The following PEX14 variants were observed in gnomAD, a reference collection of about 807,000 sequenced individuals.
The protein encoded by PEX14 is peroxisomal membrane protein PEX14.
Under a neutral mutation model 49.5 loss-of-function variants are expected in PEX14, and 15 were observed. That is an observed-to-expected ratio of 0.30 (90% CI 0.20 to 0.47). The LOEUF (loss-of-function observed/expected upper bound fraction) is 0.47. Among genes scored for constraint, PEX14 ranks in the 20% least tolerant of loss-of-function variants. The pLI is 1.00. For missense variants in PEX14, 398 were observed against 494.8 expected (o/e 0.80, Z 1.86); for synonymous variants, 210 against 212.7 (o/e 0.99, Z 0.11).
intron 4 of PEX14, among the ~76,000 whole-genome samples, chr1:10,603,517 G>T (rs960615483): frequency 6.6e-6 from 1 of 152,076 alleles, no homozygotes; most frequent in Admixed American, 6.6e-5. Context: ...CAGTGCTCTC[G>T]GGGGCTAGAA....
intron 3 of PEX14, among the ~76,000 whole-genome samples, chr1:10,556,080 C>G (rs1355453877): frequency 6.6e-6 from 1 of 152,144 alleles, no homozygotes; most frequent in East Asian, 1.9e-4. Flanking sequence ...AGGCCTGCCA[C>G]TGAAACCGCC....
chr1:10,555,666 T>TGTGC (rs1022485382), intron 3 of PEX14, among the ~76,000 whole-genome samples: 3 of 151,436 alleles, frequency 2.0e-5, no homozygotes, highest in African/African-American at 4.9e-5. Flanking sequence ...TGTGTGTGTG[T>TGTGC]GCATGCACCC....
chr1:10,549,548 T>C (rs946982485), intron 3 of PEX14, among the ~76,000 whole-genome samples: 5 of 152,300 alleles, frequency 3.3e-5, no homozygotes, highest in East Asian at 1.9e-4. Context: ...CATTTTTTTT[T>C]CCCAATCAAA....
chr1:10,517,385 T>TC (rs1332802574), intron 2 of PEX14, among the ~76,000 whole-genome samples: 4 of 152,172 alleles, frequency 2.6e-5, no homozygotes, highest in Non-Finnish European at 5.9e-5. Flanking sequence ...TCGGGTCGGT[T>TC]CACCCTCTGA....
chr1:10,486,677 G>C (rs1044532869), intron 1 of PEX14, among the ~76,000 whole-genome samples: 1 of 145,806 alleles, frequency 6.9e-6, no homozygotes, highest in Non-Finnish European at 1.5e-5. Flanking sequence ...CTGAAAGATG[G>C]AGACTCTGTC....
intron 4 of PEX14, among the ~76,000 whole-genome samples, chr1:10,615,077 C>T (rs1185882042): frequency 2.6e-5 from 4 of 152,132 alleles, no homozygotes; most frequent in Non-Finnish European, 5.9e-5. Context: ...TAGCACTGTC[C>T]CCTTCCCATG....
chr1:10,529,252 G>A lies in PEX14; in HGVS notation c.85-6961G>A, dbSNP rs142640818. ...AGGGTTTCATTTCTTCCAGGCCGGC[G>A]TGTACTCCACAGCTCCTTCTGTGGC... On this transcript the variant is annotated intron_variant, in intron 2 of 8. Transcript: ENST00000356607. The surrounding 1 kb of genome is among the most constrained non-coding windows in gnomAD (Gnocchi z 4.2). Among the ~76,000 whole-genome samples the A allele has an allele frequency of 1.7e-4, 26 of 152,314 alleles. No homozygotes were observed. Among genetic ancestry groups the A allele is most frequent in the African/African-American group, 6.3e-4 (26 of 41,574 alleles).
At position 10,495,384 on chromosome 1, in the gene PEX14, A is replaced by C; in HGVS notation, c.84+63A>C. On this transcript the variant is annotated intron_variant, in intron 2 of 8. Coordinates refer to ENST00000356607, the MANE Select transcript of PEX14 (RefSeq NM_004565.3). The surrounding 1 kb of genome is among the most constrained non-coding windows in gnomAD (Gnocchi z 4.2). ...TTAAAATGCCACGCGAGTGAAAAGA[A>C]ACCTTCTGTTCCTATGGTTCTGCGT... is the stretch of plus-strand genomic sequence containing the variant. 1 of 1,320,838 alleles carries C rather than the reference A, an allele frequency of 7.6e-7. No individual in the cohort carries two copies. Among genetic ancestry groups the C allele is most frequent in the Non-Finnish European group, 1.1e-6 (1 of 921,998 alleles). 81.8% of individuals were successfully genotyped at this position (1,320,838 alleles called of 1,614,324 possible). A position where few individuals can be genotyped will look rare whatever the true frequency, so the allele number is the denominator to read the frequency against.
chr1:10,576,905 A>G (rs1640131108), intron 3 of PEX14, among the ~76,000 whole-genome samples: 1 of 151,738 alleles, frequency 6.6e-6, no homozygotes, highest in Non-Finnish European at 1.5e-5. Flanking sequence ...TACAGGTGCC[A>G]CCATGCCCGG....
chr1:10,479,342 C>T (rs1046408715), intron 1 of PEX14, among the ~76,000 whole-genome samples: 2 of 151,938 alleles, frequency 1.3e-5, no homozygotes, highest in Non-Finnish European at 2.9e-5. Context: ...GTGCCATTGC[C>T]CTCCAGCCTG....
chr1:10,619,345 C>T (rs1175013961), intron 5 of PEX14, among the ~76,000 whole-genome samples: 1 of 143,836 alleles, frequency 7.0e-6, no homozygotes, highest in African/African-American at 2.6e-5. Context: ...GAGATGGAGT[C>T]TCGCTCTGTC....
At chr1:10,627,504 G>A in intron 8 of PEX14, 141 bp downstream of exon 8, 1 of 677,618 alleles carries the variant, frequency 1.5e-6, no homozygotes, top group Non-Finnish European at 2.7e-6. Flanking sequence ...TGAGTCTGGG[G>A]CCTTTTGAGC....
At chr1:10,618,997 G>A (rs575911771) in intron 5 of PEX14, among the ~76,000 whole-genome samples, 2 of 152,220 alleles carry the variant, frequency 1.3e-5, no homozygotes, top group Admixed American at 1.3e-4. Context: ...ATTTAAGAGC[G>A]GCGGTGAGAA....
rs78097299 is a variant in PEX14, at chr1:10,510,172, C to T, written c.84+14851C>T. Among the ~76,000 whole-genome samples the T allele has an allele frequency of 1.5e-3, 236 of 152,358 alleles. 6 individuals carry two copies. In the East Asian group the frequency reaches 0.039, roughly 25 times the overall value. ...TGGCATCTCTAATTGCATCACACGG[C>T]TCCCTGGTTTACAGGTTTCAGCCTC... On this transcript the variant is annotated intron_variant, in intron 2 of 8. Coordinates refer to ENST00000356607, the MANE Select transcript of PEX14 (RefSeq NM_004565.3).
intron 2 of PEX14, among the ~76,000 whole-genome samples, chr1:10,527,362 C>T (rs61777177): frequency 0.082 from 12,088 of 147,398 alleles, 1,220 homozygotes; most frequent in African/African-American, 0.24. Context: ...ACTAAAAATA[C>T]AAAAATTAGC....
At chr1:10,598,671 CTTGTT>C (rs1454107652) in intron 3 of PEX14, among the ~76,000 whole-genome samples, 1 of 152,180 alleles carries the variant, frequency 6.6e-6, no homozygotes, top group Non-Finnish European at 1.5e-5. Context: ...GATCTGTTTT[CTTGTT>C]TTATTTTCTT....
chr1:10,481,686 C>T (rs1641286251), intron 1 of PEX14, among the ~76,000 whole-genome samples: 1 of 152,074 alleles, frequency 6.6e-6, no homozygotes, highest in Non-Finnish European at 1.5e-5. Flanking sequence ...AGCCTCCCAC[C>T]TCAGTCTCCC....
chr1:10,612,932 C>A (rs1034756208), intron 4 of PEX14, among the ~76,000 whole-genome samples: 3 of 152,238 alleles, frequency 2.0e-5, no homozygotes, highest in South Asian at 2.1e-4. Flanking sequence ...GGGCTGGCCC[C>A]GTTTCTACCA....
chr1:10,611,611 G>A (rs1641279939), intron 4 of PEX14, among the ~76,000 whole-genome samples: 1 of 152,222 alleles, frequency 6.6e-6, no homozygotes, highest in Non-Finnish European at 1.5e-5. Flanking sequence ...TCAGCAATAT[G>A]TAAGAGTTTC....
Sources: allele counts gnomAD v4.1 joint callset (sites outside exome capture counted in the v4.1 genomes callset), GRCh38; gene constraint gnomAD v4.1.1; non-coding constraint Gnocchi (gnomAD v3.1); transcripts MANE v1.5; gene names NCBI Gene and HGNC (gene_info 2026-07-23, HGNC 2026-07-21).